The following FOCAD variants were observed in gnomAD, a reference collection of about 807,000 sequenced individuals.
FOCAD encodes focadhesin, also known as KIAA1797.
FOCAD carries 198 observed loss-of-function variants against 225.6 expected under a neutral mutation model. The observed-to-expected ratio is 0.88, with a 90% CI of 0.78 to 0.99. The LOEUF (loss-of-function observed/expected upper bound fraction) is 0.99, where lower values mean the gene tolerates loss of function less well. FOCAD is among the 50% of genes least tolerant of loss of function. The pLI is 0.00. For synonymous variants in FOCAD, 897 were observed against 755.0 expected (o/e 1.19, Z -3.08); for missense variants, 2,713 against 2,123.6 (o/e 1.28, Z -5.46).
At chr9:20,836,480 TG>T (rs1826002185) in intron 15 of FOCAD, among the ~76,000 whole-genome samples, 2 of 152,138 alleles carry the variant, frequency 1.3e-5, no homozygotes, top group Non-Finnish European at 2.9e-5. Context: ...TTGGTCTTTT[TG>T]AACAGCGCTC....
At chr9:20,820,802 TCTC>T in intron 13 of FOCAD, 136 bp from the exon 14 acceptor site, 2 of 918,718 alleles carry the variant, frequency 2.2e-6, no homozygotes, top group Non-Finnish European at 3.3e-6. Flanking sequence ...ATAGCAATCT[TCTC>T]TGCTGATTAG....
intron 19 of FOCAD, among the ~76,000 whole-genome samples, chr9:20,880,508 C>T (rs888476531): frequency 5.3e-5 from 8 of 152,092 alleles, no homozygotes; most frequent in Non-Finnish European, 1.5e-5. Context: ...GACATGGGAG[C>T]CTGTTAATGC....
chr9:20,971,443 T>G (rs1839755411), intron 35 of FOCAD, among the ~76,000 whole-genome samples: 1 of 152,108 alleles, frequency 6.6e-6, no homozygotes, highest in South Asian at 2.1e-4. Flanking sequence ...TTTTTTTATT[T>G]TTTTTGGTGG....
intron 16 of FOCAD, chr9:20,863,266 T>C (rs879137025): frequency 6.6e-6 from 1 of 152,094 alleles, no homozygotes; most frequent in East Asian, 1.9e-4. Context: ...CTTTTTTTTT[T>C]TCATGCTTAC....
At chr9:20,731,403 G>A (rs1163009661) in intron 4 of FOCAD, among the ~76,000 whole-genome samples, 1 of 152,018 alleles carries the variant, frequency 6.6e-6, no homozygotes, top group Non-Finnish European at 1.5e-5. Flanking sequence ...TAAATGAAAG[G>A]CCTTTTAGAA....
At chr9:20,835,689 A>C (rs1478368095) in intron 15 of FOCAD, among the ~76,000 whole-genome samples, 4 of 152,092 alleles carry the variant, frequency 2.6e-5, no homozygotes, top group Non-Finnish European at 5.9e-5. Flanking sequence ...TCTGAAAGAG[A>C]GAGATTAACT....
At chr9:20,945,979 G>A (rs138074798) in intron 29 of FOCAD, among the ~76,000 whole-genome samples, 1 of 152,222 alleles carries the variant, frequency 6.6e-6, no homozygotes, top group Non-Finnish European at 1.5e-5. Flanking sequence ...AGATAGATTG[G>A]GTGACTTGCC....
At chr9:20,922,626 C>A (rs2132135836) in intron 24 of FOCAD, among the ~76,000 whole-genome samples, 1 of 152,320 alleles carries the variant, frequency 6.6e-6, no homozygotes, top group South Asian at 2.1e-4. Context: ...TTCCTTATCC[C>A]TCATATCTGT....
chr9:20,899,281 G>A (rs1192084070), intron 21 of FOCAD, among the ~76,000 whole-genome samples: 2 of 151,836 alleles, frequency 1.3e-5, no homozygotes, highest in East Asian at 3.9e-4. Flanking sequence ...AAAGGTGTGG[G>A]GACCCTCCCT....
intron 23 of FOCAD, 81 bp from the exon 24 acceptor site, chr9:20,916,812 T>A: frequency 3.1e-6 from 4 of 1,287,164 alleles, no homozygotes; most frequent in Non-Finnish European, 4.3e-6. Flanking sequence ...TGCTGGAGGT[T>A]CTTATTAATT....
chr9:20,831,610 T>A (rs1387226766), intron 15 of FOCAD, among the ~76,000 whole-genome samples: 2 of 151,994 alleles, frequency 1.3e-5, no homozygotes, highest in Admixed American at 6.6e-5. Context: ...TTAAGCAGCA[T>A]CCTCAGGTTG....
chr9:20,711,382 A>G (rs1271648709), intron 1 of FOCAD, among the ~76,000 whole-genome samples: 1 of 152,212 alleles, frequency 6.6e-6, no homozygotes, highest in Non-Finnish European at 1.5e-5. Flanking sequence ...AGGCATCAGG[A>G]TTTGCATTTA....
chr9:20,897,050 T>C (rs905149582), intron 21 of FOCAD: 1 of 151,784 alleles, frequency 6.6e-6, no homozygotes, highest in African/African-American at 2.4e-5. Flanking sequence ...TTCTATCAGG[T>C]TTTGCCTTAT....
chr9:20,706,590 C>CTT lies in FOCAD; in HGVS notation c.-32-8732_-32-8731insTT, dbSNP rs1264085813. The stretch of plus-strand genomic sequence containing the variant: ...GAACACTTGGTTGGAAGTCAAGAAA[C>CTT]CTCTGTTCTCACTTGAACTCTGTCA... On this transcript the variant is annotated intron_variant, in intron 1 of 43. Transcript: ENST00000338382. 4.6e-5 allele frequency among the ~76,000 whole-genome samples: 7 copies of CTT among 152,288 alleles called. No individual in the cohort carries two copies. The East Asian group carries it at 1.4e-3, about 29-fold the overall frequency.
intron 20 of FOCAD, among the ~76,000 whole-genome samples, chr9:20,882,352 C>G (rs1830746377): frequency 6.6e-6 from 1 of 152,158 alleles, no homozygotes; most frequent in African/African-American, 2.4e-5. Context: ...ACTAGAGGAG[C>G]TTTTAGTGAT....
chr9:20,735,771 C>T (rs1343002253), intron 4 of FOCAD, among the ~76,000 whole-genome samples: 2 of 150,812 alleles, frequency 1.3e-5, no homozygotes, highest in Non-Finnish European at 2.9e-5. Context: ...GATCTTCTGG[C>T]TTCCAGCCAC....
At chr9:20,759,583 ATG>A (rs1456010933) in intron 6 of FOCAD, among the ~76,000 whole-genome samples, 1 of 152,196 alleles carries the variant, frequency 6.6e-6, no homozygotes, top group Non-Finnish European at 1.5e-5. Context: ...AAAGACTTAC[ATG>A]TTAGACCTAA....
At chr9:20,913,988 G>C (rs938214055) in intron 23 of FOCAD, among the ~76,000 whole-genome samples, 1 of 151,990 alleles carries the variant, frequency 6.6e-6, no homozygotes, top group East Asian at 1.9e-4. Flanking sequence ...ATTTCGGCTG[G>C]ATGTGGTGGT....
chr9:20,978,756 T>TA (rs1319596667), intron 37 of FOCAD, among the ~76,000 whole-genome samples: 1 of 152,228 alleles, frequency 6.6e-6, no homozygotes, highest in Non-Finnish European at 1.5e-5. Context: ...TATTTGAACT[T>TA]ATGTTTATTT....
Sources: allele counts gnomAD v4.1 joint callset (sites outside exome capture counted in the v4.1 genomes callset), GRCh38; gene constraint gnomAD v4.1.1; transcripts MANE v1.5; gene names NCBI Gene and HGNC (gene_info 2026-07-23, HGNC 2026-07-21).